BMPER: variants seen among roughly 807,000 people sequenced by gnomAD.
BMPER encodes BMP binding endothelial regulator.
BMPER carries 45 observed loss-of-function variants against 87.3 expected under a neutral mutation model. The observed-to-expected ratio is 0.52, with a 90% CI of 0.41 to 0.66. The LOEUF (loss-of-function observed/expected upper bound fraction) is 0.66, where lower values mean the gene tolerates loss of function less well. Among genes scored for constraint, BMPER ranks in the 30% least tolerant of loss-of-function variants. The probability of loss-of-function intolerance (pLI) is 0.00; values close to 1 mark genes in which losing one functional copy is unlikely to be tolerated. For synonymous variants in BMPER, 326 were observed against 316.2 expected (o/e 1.03, Z -0.33); for missense variants, 784 against 867.5 (o/e 0.90, Z 1.21).
In BMPER at chr7:34,078,723, CA is replaced by C. The variant is rs1788930329; in HGVS notation, c.1079-133del. ...TTTGACACGAACCTTTAAAAACGAC[CA>C]CTTTTTTTTTTAAGTTGATTTCCCT... On this transcript the variant is annotated intron_variant, in intron 11 of 14. Coordinates refer to ENST00000649409, the MANE Select transcript of BMPER (RefSeq NM_001365308.1). 3.3e-6 allele frequency: 3 copies of C among 895,940 alleles called. No individual in the cohort carries two copies. The East Asian group carries it at 7.6e-5, about 23-fold the overall frequency. The allele number at this position is 895,940 out of a possible 1,614,324, so 55.5% of individuals were successfully genotyped here.
chr7:33,996,831 T>G (rs2127931936), intron 6 of BMPER, among the ~76,000 whole-genome samples: 1 of 152,372 alleles, frequency 6.6e-6, no homozygotes, highest in Admixed American at 6.5e-5. Flanking sequence ...GTAATCATTA[T>G]AAAAATATTA....
chr7:34,149,665 T>C (rs1791121432), intron 14 of BMPER, among the ~76,000 whole-genome samples: 1 of 150,448 alleles, frequency 6.6e-6, no homozygotes, highest in South Asian at 2.1e-4. Context: ...TCTCCAGGAG[T>C]CAGCAGAAGA....
At chr7:34,118,943 C>G (rs1219025242) in intron 13 of BMPER, among the ~76,000 whole-genome samples, 1 of 151,676 alleles carries the variant, frequency 6.6e-6, no homozygotes, top group Admixed American at 6.6e-5. Flanking sequence ...ATTTACCAGC[C>G]CCCACAATGT....
chr7:33,979,874 C>T (rs1031094044), intron 6 of BMPER, among the ~76,000 whole-genome samples: 6 of 152,210 alleles, frequency 3.9e-5, no homozygotes, highest in African/African-American at 9.6e-5. Context: ...CTGATGTTTT[C>T]GTGATGTGGT....
chr7:33,927,211 C>T (rs572364881), intron 2 of BMPER, among the ~76,000 whole-genome samples: 18 of 152,326 alleles, frequency 1.2e-4, no homozygotes, highest in Middle Eastern at 3.4e-3. Flanking sequence ...CCCAACAGCA[C>T]GTGGGCTTTC....
chr7:34,049,425 A>C (rs2127959438), intron 7 of BMPER, among the ~76,000 whole-genome samples: 1 of 152,302 alleles, frequency 6.6e-6, no homozygotes, highest in South Asian at 2.1e-4. Context: ...TCAATCAGTC[A>C]ATAAATCAAT....
At chr7:34,106,055 G>A (rs1024118477) in intron 13 of BMPER, among the ~76,000 whole-genome samples, 8 of 152,138 alleles carry the variant, frequency 5.3e-5, no homozygotes, top group Non-Finnish European at 5.9e-5. Flanking sequence ...TCAGGAGCTC[G>A]TCTCAGTCCT....
At chr7:34,106,850 T>G (rs1409724562) in intron 13 of BMPER, among the ~76,000 whole-genome samples, 1 of 152,246 alleles carries the variant, frequency 6.6e-6, no homozygotes, top group Non-Finnish European at 1.5e-5. Context: ...TCCTCTGTTG[T>G]GCCTCAGGCC....
chr7:34,037,289 T>C (rs1376910133), intron 6 of BMPER, among the ~76,000 whole-genome samples: 1 of 152,174 alleles, frequency 6.6e-6, no homozygotes, highest in Admixed American at 6.5e-5. Context: ...ATTTGCTTTA[T>C]GAAATTATGA....
intron 11 of BMPER, among the ~76,000 whole-genome samples, chr7:34,071,582 A>T (rs1788738320): frequency 6.6e-6 from 1 of 152,238 alleles, no homozygotes; most frequent in Non-Finnish European, 1.5e-5. Context: ...CTCTCAATTG[A>T]TAAATAAAAA....
chr7:33,957,943 C>T (rs887330737), intron 3 of BMPER, among the ~76,000 whole-genome samples: 31 of 152,234 alleles, frequency 2.0e-4, no homozygotes, highest in East Asian at 1.2e-3. Flanking sequence ...GTGTTTCATA[C>T]GTGTGTTGTA....
At chr7:33,919,632 ATGAT>A (rs754100376) in intron 2 of BMPER, among the ~76,000 whole-genome samples, 14 of 152,172 alleles carry the variant, frequency 9.2e-5, no homozygotes, top group Non-Finnish European at 1.8e-4. Context: ...GAGTAGGCAA[ATGAT>A]TGATTGATGG....
At chr7:34,028,783 G>C (rs1787446097) in intron 6 of BMPER, among the ~76,000 whole-genome samples, 1 of 151,650 alleles carries the variant, frequency 6.6e-6, no homozygotes. Context: ...ACCTGAAGCA[G>C]AATAGAGGAG....
chr7:33,942,987 G>A (rs1324929725), intron 3 of BMPER, among the ~76,000 whole-genome samples: 1 of 152,132 alleles, frequency 6.6e-6, no homozygotes, highest in Non-Finnish European at 1.5e-5. Flanking sequence ...TTCCTCCCAT[G>A]ATTTGTTGAA....
chr7:34,060,126 G>A lies in BMPER; in HGVS notation c.1033-1876G>A, dbSNP rs141713083. On this transcript the variant is annotated intron_variant, in intron 10 of 14. Transcript: ENST00000649409. Reference sequence around the variant, plus strand: ...GCCTGCAGCATGACCAGAGTCTTACGGCTAATTGCATATTACACAGGTGCT... The same window carrying A: ...GCCTGCAGCATGACCAGAGTCTTACAGCTAATTGCATATTACACAGGTGCT... 1.7e-3 allele frequency among the ~76,000 whole-genome samples: 266 copies of A among 152,106 alleles called. 3 individuals are homozygous for A. The highest frequency in any genetic ancestry group is 6.1e-3 in the African/African-American group (253 of 41,498).
intron 9 of BMPER, among the ~76,000 whole-genome samples, chr7:34,055,725 A>G (rs905796948): frequency 6.6e-6 from 1 of 152,174 alleles, no homozygotes; most frequent in African/African-American, 2.4e-5. Flanking sequence ...AAATTTTCTC[A>G]TTTGGAAGAT....
At chr7:34,012,964 A>T (rs764954648) in intron 6 of BMPER, among the ~76,000 whole-genome samples, 2 of 151,966 alleles carry the variant, frequency 1.3e-5, no homozygotes, top group Non-Finnish European at 2.9e-5. Flanking sequence ...AAAGGGCAGC[A>T]TCTTTTGTGC....
intron 6 of BMPER, chr7:34,042,929 A>C (rs981957894): frequency 6.6e-6 from 1 of 152,190 alleles, no homozygotes; most frequent in Admixed American, 6.5e-5. Flanking sequence ...AGAAAGATGG[A>C]GGAGGTTACT....
intron 5 of BMPER, 50 bp downstream of exon 5, chr7:33,970,469 G>A (rs1785514843): frequency 1.9e-6 from 3 of 1,560,222 alleles, no homozygotes; most frequent in East Asian, 2.2e-5. Flanking sequence ...GTTCTTTCAG[G>A]AATGCATGAA....
Sources: gnomAD v4.1 joint callset for allele counts (sites outside exome capture counted in the v4.1 genomes callset) on GRCh38, gnomAD v4.1.1 for gene constraint, MANE v1.5 for transcripts, NCBI Gene and HGNC (gene_info 2026-07-23, HGNC 2026-07-21) for gene names.